The following TAF1B variants were observed in gnomAD, a reference collection of about 807,000 sequenced individuals.
The protein encoded by TAF1B is TATA-box binding protein associated factor, RNA polymerase I subunit B, also known as TATA box-binding protein-associated factor RNA polymerase I subunit B.
In TAF1B, 61 loss-of-function variants were observed where a neutral mutation model predicts 83.9. The ratio of observed to expected loss-of-function variants is 0.73; its 90% CI spans 0.59 to 0.90. The LOEUF (loss-of-function observed/expected upper bound fraction) is 0.90, where lower values mean the gene tolerates loss of function less well. Ranked by LOEUF, TAF1B falls within the 40% of genes least tolerant of loss-of-function variation. The pLI is 0.00. For missense variants in TAF1B, 625 were observed against 677.0 expected (o/e 0.92, Z 0.85); for synonymous variants, 221 against 224.6 (o/e 0.98, Z 0.14).
intron 9 of TAF1B, among the ~76,000 whole-genome samples, chr2:9,908,851 T>C (rs1345484702): frequency 2.0e-5 from 3 of 152,212 alleles, no homozygotes; most frequent in South Asian, 4.1e-4. Flanking sequence ...CACCATCCCA[T>C]GTTTGTCATA....
chr2:9,925,715 T>C (rs1666014895), intron 14 of TAF1B, among the ~76,000 whole-genome samples: 1 of 151,842 alleles, frequency 6.6e-6, no homozygotes, highest in Non-Finnish European at 1.5e-5. Flanking sequence ...TGGCTGCTAC[T>C]ACAGACATGC....
intron 1 of TAF1B, 52 bp from the exon 2 acceptor site, chr2:9,845,168 T>A: frequency 7.4e-7 from 1 of 1,354,392 alleles, no homozygotes; most frequent in Non-Finnish European, 1.1e-6. Flanking sequence ...TTAGGTACGA[T>A]GTATTGAATG....
chr2:9,929,439 C>T lies in TAF1B; in HGVS notation c.1566-4344C>T, dbSNP rs193036586. 3.5e-3 allele frequency among the ~76,000 whole-genome samples: 532 copies of T among 152,064 alleles called. 7 individuals carry two copies. The highest frequency in any genetic ancestry group is 0.012 in the African/African-American group (509 of 41,478). On this transcript the variant is annotated intron_variant, in intron 14 of 14. Coordinates refer to ENST00000263663, the MANE Select transcript of TAF1B (RefSeq NM_005680.3). ...TCCCAAAGTGCTGGGATTACAGGCG[C>T]GAGCCACCGTGCCTGGCCTTTGGTT...
chr2:9,858,961 A>G (rs867561299), intron 5 of TAF1B, among the ~76,000 whole-genome samples: 12 of 152,266 alleles, frequency 7.9e-5, no homozygotes, highest in Middle Eastern at 3.4e-3. Context: ...TGTCTTGACT[A>G]TTAACATTCA....
intron 12 of TAF1B, among the ~76,000 whole-genome samples, chr2:9,915,878 C>T (rs952203146): frequency 6.0e-5 from 9 of 150,784 alleles, no homozygotes; most frequent in Non-Finnish European, 1.0e-4. Context: ...CTGTTGTATC[C>T]GTACAGTGGA....
chr2:9,877,022 C>A (rs1275547041), intron 7 of TAF1B, among the ~76,000 whole-genome samples: 2 of 152,130 alleles, frequency 1.3e-5, no homozygotes, highest in African/African-American at 4.8e-5. Context: ...TTGGCCACAT[C>A]AACCAAATAA....
chr2:9,926,835 G>A (rs1228873245), intron 14 of TAF1B, among the ~76,000 whole-genome samples: 1 of 149,676 alleles, frequency 6.7e-6, no homozygotes, highest in Non-Finnish European at 1.5e-5. Flanking sequence ...GAGATTGGCA[G>A]TTAACATTAG....
At chr2:9,928,720 A>C (rs1032817813) in intron 14 of TAF1B, among the ~76,000 whole-genome samples, 20 of 152,200 alleles carry the variant, frequency 1.3e-4, no homozygotes, top group African/African-American at 4.8e-4. Context: ...GTATCCTGAG[A>C]CTTTGCTGAA....
chr2:9,910,933 A>G lies in TAF1B; in HGVS notation c.1133+20A>G, dbSNP rs1453747678. ...CGAGTGGTAAGTGTACGTCAATTTT[A>G]TGACAAGTAACATTTTATGGTGCTG... On this transcript the variant is annotated intron_variant, in intron 10 of 14. Coordinates refer to ENST00000263663, the MANE Select transcript of TAF1B (RefSeq NM_005680.3). The G allele has an allele frequency of 1.8e-5, 28 of 1,585,736 alleles. No homozygotes were observed. Among genetic ancestry groups the G allele is most frequent in the Non-Finnish European group, 2.3e-5 (27 of 1,164,286 alleles).
At chr2:9,855,716 C>A (rs1348057144) in intron 5 of TAF1B, among the ~76,000 whole-genome samples, 1 of 152,120 alleles carries the variant, frequency 6.6e-6, no homozygotes, top group Non-Finnish European at 1.5e-5. Flanking sequence ...TATACCCAAC[C>A]TACCGAACAT....
chr2:9,905,025 T>C lies in TAF1B; in HGVS notation c.955+19T>C. The C allele has an allele frequency of 6.2e-7, 1 of 1,600,726 alleles. No homozygotes were observed. The highest frequency in any genetic ancestry group is 1.1e-5 in the South Asian group (1 of 90,346). The stretch of plus-strand genomic sequence containing the variant: ...CTCCCTGGTAAGTGTGTGACATATA[T>C]TGTGGGGACACTTTAACTAGTAGAG... On this transcript the variant is annotated intron_variant, in intron 9 of 14. Coordinates refer to ENST00000263663, the MANE Select transcript of TAF1B (RefSeq NM_005680.3).
At chr2:9,917,968 A>G (rs1318618904) in intron 12 of TAF1B, among the ~76,000 whole-genome samples, 1 of 151,054 alleles carries the variant, frequency 6.6e-6, no homozygotes, top group African/African-American at 2.4e-5. Context: ...GCTACTTGGG[A>G]GGCTGAGGCA....
chr2:9,895,200 A>G (rs974199267), intron 8 of TAF1B, among the ~76,000 whole-genome samples: 1 of 152,252 alleles, frequency 6.6e-6, no homozygotes, highest in Non-Finnish European at 1.5e-5. Flanking sequence ...GATTTTGAAC[A>G]CAAAAAAAAT....
At chr2:9,924,634 A>G (rs988454084) in intron 14 of TAF1B, among the ~76,000 whole-genome samples, 3 of 152,252 alleles carry the variant, frequency 2.0e-5, no homozygotes, top group African/African-American at 7.2e-5. Context: ...CAACTGTAAT[A>G]ATATCATTGT....
chr2:9,899,762 T>A (rs1381747134), intron 8 of TAF1B, among the ~76,000 whole-genome samples: 2 of 152,224 alleles, frequency 1.3e-5, no homozygotes, highest in East Asian at 1.9e-4. Context: ...ACAGTCTGAT[T>A]TCTCATGAAT....
chr2:9,932,167 G>C (rs565026977), intron 14 of TAF1B, among the ~76,000 whole-genome samples: 1 of 152,310 alleles, frequency 6.6e-6, no homozygotes, highest in South Asian at 2.1e-4. Context: ...GCCTACTTCT[G>C]TCAGCTCGTC....
intron 12 of TAF1B, among the ~76,000 whole-genome samples, chr2:9,916,291 A>G (rs1665679315): frequency 6.6e-6 from 1 of 152,230 alleles, no homozygotes; most frequent in African/African-American, 2.4e-5. Flanking sequence ...TAACTGGAAA[A>G]CATGGTTTGT....
At chr2:9,881,615 C>G (rs996876828) in intron 7 of TAF1B, among the ~76,000 whole-genome samples, 1 of 152,098 alleles carries the variant, frequency 6.6e-6, no homozygotes, top group African/African-American at 2.4e-5. Flanking sequence ...TTGTATCTTT[C>G]TTTTCTCACT....
chr2:9,910,599 GA>G, intron 9 of TAF1B, 136 bp from the exon 10 acceptor site: 1 of 628,576 alleles, frequency 1.6e-6, no homozygotes, highest in Non-Finnish European at 2.6e-6. Context: ...GCCATGTTTT[GA>G]TGTTTTATTC....
Sources: gnomAD v4.1 joint callset for allele counts (sites outside exome capture counted in the v4.1 genomes callset) on GRCh38, gnomAD v4.1.1 for gene constraint, MANE v1.5 for transcripts, NCBI Gene and HGNC (gene_info 2026-07-23, HGNC 2026-07-21) for gene names.